The following PCDH7 variants were observed in gnomAD, a reference collection of about 807,000 sequenced individuals.
The protein encoded by PCDH7 is protocadherin-7.
PCDH7 carries 17 observed loss-of-function variants against 58.9 expected under a neutral mutation model. The ratio of observed to expected loss-of-function variants is 0.29; its 90% CI spans 0.20 to 0.43. The LOEUF (loss-of-function observed/expected upper bound fraction) is 0.43, where lower values mean the gene tolerates loss of function less well. PCDH7 is among the 20% of genes least tolerant of loss of function. PCDH7 has a pLI of 1.00. For missense variants in PCDH7, 1,274 were observed against 1,441.0 expected (o/e 0.88, Z 1.88); for synonymous variants, 664 against 616.4 (o/e 1.08, Z -1.14).
chr4:31,035,618 C>A (rs958522072), intron 3 of PCDH7, among the ~76,000 whole-genome samples: 3 of 152,076 alleles, frequency 2.0e-5, no homozygotes, highest in Non-Finnish European at 2.9e-5. Flanking sequence ...ATCCTCAGAA[C>A]CAAAGAGCAG....
downstream of PCDH7, among the ~76,000 whole-genome samples, chr4:30,736,552 T>C (rs1180848516): frequency 6.9e-6 from 1 of 144,974 alleles, no homozygotes; most frequent in Non-Finnish European, 1.5e-5. Flanking sequence ...TTTTTTTTTT[T>C]TGAGACGGGG....
At chr4:31,001,791 T>C (rs1366931322) in intron 3 of PCDH7, among the ~76,000 whole-genome samples, 1 of 152,154 alleles carries the variant, frequency 6.6e-6, no homozygotes, top group African/African-American at 2.4e-5. Flanking sequence ...TTTACATAAA[T>C]TAAAGGAAAA....
chr4:31,100,848 A>G (rs1714802451), intron 3 of PCDH7, among the ~76,000 whole-genome samples: 1 of 152,330 alleles, frequency 6.6e-6, no homozygotes, highest in African/African-American at 2.4e-5. Flanking sequence ...ACATGCATTT[A>G]TCTTTGGCAT....
chr4:30,873,700 T>C (rs1735909667), intron 1 of PCDH7, among the ~76,000 whole-genome samples: 2 of 152,074 alleles, frequency 1.3e-5, no homozygotes, highest in African/African-American at 4.8e-5. Flanking sequence ...TTTTTACTTC[T>C]ATATGTTGAA....
At chr4:30,881,124 T>G (rs1393335995) in intron 1 of PCDH7, among the ~76,000 whole-genome samples, 3 of 152,178 alleles carry the variant, frequency 2.0e-5, no homozygotes, top group African/African-American at 7.2e-5. Flanking sequence ...TCCTCAGTCT[T>G]GACCAATCAC....
chr4:30,751,470 A>G (rs1010377056), intron 1 of PCDH7, among the ~76,000 whole-genome samples: 2 of 152,180 alleles, frequency 1.3e-5, no homozygotes, highest in African/African-American at 4.8e-5. Flanking sequence ...AACACATTGG[A>G]AAATATTTCT....
At chr4:30,846,716 TA>T (rs1323422100) in intron 1 of PCDH7, among the ~76,000 whole-genome samples, 1 of 152,138 alleles carries the variant, frequency 6.6e-6, no homozygotes, top group African/African-American at 2.4e-5. Flanking sequence ...TGTTGAGAAC[TA>T]TTGTTTCTAA....
chr4:30,875,447 C>A (rs1736162216), intron 1 of PCDH7, among the ~76,000 whole-genome samples: 1 of 152,070 alleles, frequency 6.6e-6, no homozygotes, highest in Non-Finnish European at 1.5e-5. Context: ...CAATCCATAA[C>A]AGAGACTGAC....
intron 3 of PCDH7, among the ~76,000 whole-genome samples, chr4:31,093,537 T>G (rs575947065): frequency 6.6e-6 from 1 of 152,226 alleles, no homozygotes; most frequent in Non-Finnish European, 1.5e-5. Context: ...CATATTTGTT[T>G]TCTACAGCCT....
At chr4:31,091,381 T>C (rs1190372472) in intron 3 of PCDH7, among the ~76,000 whole-genome samples, 1 of 151,912 alleles carries the variant, frequency 6.6e-6, no homozygotes, top group Non-Finnish European at 1.5e-5. Context: ...ATTTGTGAAC[T>C]TTTATAGAAA....
chr4:30,815,273 A>T (rs1727528124), intron 1 of PCDH7, among the ~76,000 whole-genome samples: 1 of 152,046 alleles, frequency 6.6e-6, no homozygotes, highest in Non-Finnish European at 1.5e-5. Context: ...TTGCCTCTTC[A>T]GAGGAAATAA....
At position 30,848,790 on chromosome 4, in the gene PCDH7, G is replaced by A. The variant is rs202024272; in HGVS notation, c.71-71363G>A. On this transcript the variant is annotated intron_variant, in intron 1 of 3. Coordinates refer to the PCDH7 transcript ENST00000509759. ...GATTTTAGGATGTTTCATGGTAACA[G>A]CTTATCAGTACTTACAGCCAATGAC... is the stretch of plus-strand genomic sequence containing the variant. Among the ~76,000 whole-genome samples, 4 of 151,998 alleles carry A rather than the reference G, an allele frequency of 2.6e-5. No homozygotes were observed. In the East Asian group the frequency reaches 7.7e-4, roughly 29 times the overall value.
At chr4:31,145,413 T>C (rs1485979526), downstream of PCDH7, 1 of 151,988 alleles carries the variant, frequency 6.6e-6, no homozygotes, top group Non-Finnish European at 1.5e-5. Context: ...TTATTTTAAA[T>C]AGGTTAAATC....
intron 1 of PCDH7, among the ~76,000 whole-genome samples, chr4:30,910,145 C>G (rs994076921): frequency 2.0e-5 from 3 of 152,058 alleles, no homozygotes; most frequent in Non-Finnish European, 4.4e-5. Context: ...GAAACTGGAC[C>G]CCTTCCTTAC....
chr4:31,017,021 T>C (rs1217635327), intron 3 of PCDH7, among the ~76,000 whole-genome samples: 2 of 152,052 alleles, frequency 1.3e-5, no homozygotes, highest in East Asian at 3.9e-4. Flanking sequence ...CACTGAGCTC[T>C]TCTGGACTAT....
intron 1 of PCDH7, among the ~76,000 whole-genome samples, chr4:30,850,777 C>G (rs577052324): frequency 2.6e-5 from 4 of 152,070 alleles, no homozygotes; most frequent in African/African-American, 9.7e-5. Flanking sequence ...TCCTAGTCCC[C>G]AGACCTTGCG....
At position 31,121,936 on chromosome 4, in the gene PCDH7, C is replaced by G. The variant is rs60917898; in HGVS notation, c.*8-20537C>G. 6.6e-3 allele frequency among the ~76,000 whole-genome samples: 1,004 copies of G among 152,004 alleles called. 15 individuals carry two copies. The highest frequency in any genetic ancestry group is 0.023 in the African/African-American group (961 of 41,502). ...GGTGCTTCTCCTTGTTGGTTAGTAG[C>G]GCTGGAGTTAAGTATTCAACAGAAT... On this transcript the variant is annotated intron_variant, in intron 3 of 3. Coordinates refer to the PCDH7 transcript ENST00000509759.
intron 1 of PCDH7, among the ~76,000 whole-genome samples, chr4:30,752,202 C>T (rs1464991645): frequency 1.3e-5 from 2 of 151,950 alleles, no homozygotes; most frequent in African/African-American, 2.4e-5. Context: ...GGCGTGATCC[C>T]GGCTCACTGC....
intron 1 of PCDH7, among the ~76,000 whole-genome samples, chr4:30,844,031 T>C (rs1204357868): frequency 6.6e-6 from 1 of 152,212 alleles, no homozygotes; most frequent in Non-Finnish European, 1.5e-5. Flanking sequence ...TTGCACTGTA[T>C]GGTTCTCTTG....
Sources: allele counts gnomAD v4.1 joint callset (sites outside exome capture counted in the v4.1 genomes callset), GRCh38; gene constraint gnomAD v4.1.1; transcripts MANE v1.5; gene names NCBI Gene and HGNC (gene_info 2026-07-23, HGNC 2026-07-21).